The following CELF2 variants were observed in gnomAD, a reference collection of about 807,000 sequenced individuals.
CELF2 encodes the protein CUG triplet repeat RNA-binding protein 2.
Under a neutral mutation model 62.6 loss-of-function variants are expected in CELF2, and 8 were observed. That is an observed-to-expected ratio of 0.13 (90% CI 0.07 to 0.23). CELF2 has a LOEUF of 0.23. Ranked by LOEUF, CELF2 falls within the 10% of genes least tolerant of loss-of-function variation. The pLI, the probability that CELF2 is intolerant of heterozygous loss-of-function variation, is 1.00. For missense variants in CELF2, 333 were observed against 671.0 expected (o/e 0.50, Z 5.56); for synonymous variants, 258 against 250.0 (o/e 1.03, Z -0.30).
In CELF2 at chr10:11,157,207, G is replaced by A. The variant is rs1025995145; in HGVS notation, c.75-8279G>A. Among the ~76,000 whole-genome samples, 3 of 152,092 alleles carry A rather than the reference G, an allele frequency of 2.0e-5. No homozygotes were observed. The highest frequency in any genetic ancestry group is 7.2e-5 in the African/African-American group (3 of 41,402). On this transcript the variant is annotated intron_variant, in intron 1 of 12. Coordinates refer to ENST00000633077, the MANE Select transcript of CELF2 (RefSeq NM_001326342.2). The surrounding 1 kb of genome is among the most constrained non-coding windows in gnomAD (Gnocchi z 4.9). The stretch of plus-strand genomic sequence containing the variant: ...CGCCAGGGTCTTTGCTGGTACTTCC[G>A]TGCCTCTCACACATGCATGGTTGTA...
the CELF2 span, among the ~76,000 whole-genome samples, chr10:10,741,603 G>T: frequency 6.6e-6 from 1 of 150,720 alleles, no homozygotes; most frequent in South Asian, 2.1e-4. Flanking sequence ...CTCCTGATTA[G>T]AAGACAGCTA....
Position 11,165,140 on chromosome 10 carries a change from G to C in CELF2, c.75-346G>C. On this transcript the variant is annotated intron_variant, in intron 1 of 12. Coordinates refer to ENST00000633077, the MANE Select transcript of CELF2 (RefSeq NM_001326342.2). The surrounding 1 kb of genome is among the most constrained non-coding windows in gnomAD (Gnocchi z 7.4). ...GCCAGGGTAGGGCTGATAAGGCGCT[G>C]ATGCGTTGATGGCAGCCTTGCAGAG... 1 of 1,071,628 alleles carries C rather than the reference G, an allele frequency of 9.3e-7. No individual in the cohort carries two copies. Among genetic ancestry groups the C allele is most frequent in the South Asian group, 3.1e-5 (1 of 32,286 alleles). 66.4% of individuals were successfully genotyped at this position (1,071,628 alleles called of 1,614,324 possible).
At chr10:11,068,550 A>G (rs924645502) in intron 1 of CELF2, among the ~76,000 whole-genome samples, 1 of 149,988 alleles carries the variant, frequency 6.7e-6, no homozygotes, top group Non-Finnish European at 1.5e-5. Context: ...ACAGAACATT[A>G]TGAGAACATT....
chr10:10,939,950 T>C (rs976116122), intron 2 of CELF2, among the ~76,000 whole-genome samples: 2 of 151,998 alleles, frequency 1.3e-5, no homozygotes, highest in African/African-American at 4.8e-5. Flanking sequence ...CGAGGCTCCA[T>C]CTCAAAAAAT....
At chr10:10,714,924 G>A in the CELF2 span, among the ~76,000 whole-genome samples, 1 of 151,872 alleles carries the variant, frequency 6.6e-6, no homozygotes, top group African/African-American at 2.4e-5. Context: ...TATTACAAAG[G>A]CATTTTACTT....
intron 1 of CELF2, among the ~76,000 whole-genome samples, chr10:11,077,007 T>G (rs1433532296): frequency 6.6e-6 from 1 of 152,230 alleles, no homozygotes; most frequent in East Asian, 1.9e-4. Context: ...TGCTCTGTCA[T>G]TGACTCCTTA....
chr10:10,720,910 G>T, the CELF2 span, among the ~76,000 whole-genome samples: 1 of 152,220 alleles, frequency 6.6e-6, no homozygotes, highest in Non-Finnish European at 1.5e-5. Context: ...AGGAAAGCCA[G>T]TTGGGGGAAA....
At chr10:11,281,235 C>T (rs2088584101) in intron 8 of CELF2, among the ~76,000 whole-genome samples, 1 of 152,128 alleles carries the variant, frequency 6.6e-6, no homozygotes, top group Admixed American at 6.5e-5. Flanking sequence ...TTTGCATGCA[C>T]ATCACACACA....
At chr10:10,696,678 G>C in the CELF2 span, among the ~76,000 whole-genome samples, 2 of 150,782 alleles carry the variant, frequency 1.3e-5, no homozygotes, top group Non-Finnish European at 3.0e-5. Flanking sequence ...AGGACCCTCC[G>C]AGCCAGGTGT....
chr10:10,873,519 T>G (rs187688530), intron 1 of CELF2, among the ~76,000 whole-genome samples: 35 of 152,322 alleles, frequency 2.3e-4, no homozygotes, highest in Non-Finnish European at 4.7e-4. Flanking sequence ...AGGTGTTTAG[T>G]AAGATGAATT....
chr10:10,769,037 T>C, the CELF2 span, among the ~76,000 whole-genome samples: 2 of 152,228 alleles, frequency 1.3e-5, no homozygotes, highest in Non-Finnish European at 2.9e-5. Context: ...TTTTGTCCTC[T>C]TCTCATTTCC....
chr10:10,863,869 A>C (rs2060195721), intron 1 of CELF2, among the ~76,000 whole-genome samples: 2 of 152,192 alleles, frequency 1.3e-5, no homozygotes, highest in Non-Finnish European at 2.9e-5. Context: ...AGCAGGACAA[A>C]CCAAATAAGG....
intron 1 of CELF2, among the ~76,000 whole-genome samples, chr10:11,084,073 G>GTAA (rs754978128): frequency 1.3e-5 from 2 of 152,202 alleles, no homozygotes; most frequent in Non-Finnish European, 2.9e-5. Flanking sequence ...GTCTGAGCAA[G>GTAA]TAATGTTTTG....
At position 11,333,208 on chromosome 10, in the gene CELF2, T is replaced by C. The variant is rs1220603658; in HGVS notation, c.*4155T>C. The C allele has an allele frequency of 1.6e-5, 1 of 61,268 alleles. No individual in the cohort carries two copies. Among genetic ancestry groups the C allele is most frequent in the Admixed American group, 2.1e-4 (1 of 4,782 alleles). 3.8% of individuals were successfully genotyped at this position (61,268 alleles called of 1,614,324 possible). On this transcript the variant is annotated 3_prime_UTR_variant, in exon 13 of 13. Coordinates refer to ENST00000633077, the MANE Select transcript of CELF2 (RefSeq NM_001326342.2). Reference sequence around the variant, plus strand: ...CTTCACAAGTCACCAAGAGAGGACATGAGGGGGAAAGTCCTTTTTGCCCTT... The same window carrying C: ...CTTCACAAGTCACCAAGAGAGGACACGAGGGGGAAAGTCCTTTTTGCCCTT...
the CELF2 span, among the ~76,000 whole-genome samples, chr10:10,662,413 C>A: frequency 6.6e-6 from 1 of 152,130 alleles, no homozygotes; most frequent in Non-Finnish European, 1.5e-5. Flanking sequence ...CACCATTGAA[C>A]GTCTGCCTGG....
intron 1 of CELF2, among the ~76,000 whole-genome samples, chr10:11,131,172 G>GCGA (rs1564867571): frequency 1.3e-5 from 2 of 152,210 alleles, no homozygotes; most frequent in Non-Finnish European, 2.9e-5. Flanking sequence ...TGAATTGGGC[G>GCGA]TGATATCGAT....
At chr10:11,120,827 C>A (rs1231252333) in intron 1 of CELF2, among the ~76,000 whole-genome samples, 1 of 152,128 alleles carries the variant, frequency 6.6e-6, no homozygotes, top group Admixed American at 6.5e-5. Context: ...GTGAGACTTA[C>A]GGCAGCACTA....
At chr10:10,701,493 A>G in the CELF2 span, among the ~76,000 whole-genome samples, 8,478 of 152,346 alleles carry the variant, frequency 0.056, 327 homozygotes, top group East Asian at 0.12. Context: ...AGTCTTGGTT[A>G]CAATGCTGTC....
intron 1 of CELF2, among the ~76,000 whole-genome samples, chr10:10,834,269 C>T (rs147341274): frequency 6.6e-5 from 10 of 152,168 alleles, no homozygotes; most frequent in African/African-American, 1.9e-4. Flanking sequence ...TGAGAACAGA[C>T]GGACACATAG....
Sources: allele counts gnomAD v4.1 joint callset (sites outside exome capture counted in the v4.1 genomes callset), GRCh38; gene constraint gnomAD v4.1.1; non-coding constraint Gnocchi (gnomAD v3.1); transcripts MANE v1.5; gene names NCBI Gene and HGNC (gene_info 2026-07-23, HGNC 2026-07-21).